LIMD1: variants seen among roughly 807,000 people sequenced by gnomAD.
The protein encoded by LIMD1 is LIM domain-containing protein 1.
Under a neutral mutation model 58.4 loss-of-function variants are expected in LIMD1, and 23 were observed. The observed-to-expected ratio is 0.39, with a 90% CI of 0.28 to 0.56. LIMD1 has a LOEUF of 0.56. LIMD1 is among the 20% of genes least tolerant of loss of function. The probability of loss-of-function intolerance (pLI) is 0.57; values close to 1 mark genes in which losing one functional copy is unlikely to be tolerated. For synonymous variants in LIMD1, 334 were observed against 345.5 expected, an observed-to-expected ratio of 0.97 and a Z score of 0.37; for missense variants, 838 against 855.5, an observed-to-expected ratio of 0.98 and a Z score of 0.25.
chr3:45,604,603 T>A (rs1701449758), intron 1 of LIMD1, among the ~76,000 whole-genome samples: 1 of 152,156 alleles, frequency 6.6e-6, no homozygotes, highest in East Asian at 1.9e-4. Flanking sequence ...GTGCCTCACC[T>A]TGCTCCTTCT....
intron 1 of LIMD1, among the ~76,000 whole-genome samples, chr3:45,617,126 C>T (rs919960622): frequency 6.6e-6 from 1 of 151,062 alleles, no homozygotes; most frequent in Non-Finnish European, 1.5e-5. Flanking sequence ...CTCTGCCTCT[C>T]AGGTTCAAGC....
chr3:45,636,299 A>G, intron 2 of LIMD1, 48 bp downstream of exon 2: 1 of 1,352,908 alleles, frequency 7.4e-7, no homozygotes, highest in South Asian at 1.3e-5. Flanking sequence ...CGTAAGGAAC[A>G]TGGGAACCGA....
chr3:45,632,657 T>C, intron 1 of LIMD1: 1 of 541,854 alleles, frequency 1.8e-6, no homozygotes, highest in Non-Finnish European at 2.4e-6. Flanking sequence ...AGTTAAGACA[T>C]GGCCCTTATT....
chr3:45,638,226 T>C (rs1277359750), intron 2 of LIMD1, among the ~76,000 whole-genome samples: 1 of 152,258 alleles, frequency 6.6e-6, no homozygotes. Flanking sequence ...ATAAAGTCTT[T>C]GGCACATGTT....
intron 1 of LIMD1, among the ~76,000 whole-genome samples, chr3:45,620,523 C>T (rs963484221): frequency 1.3e-5 from 2 of 152,158 alleles, no homozygotes; most frequent in African/African-American, 2.4e-5. Flanking sequence ...CATGGTGGCT[C>T]ATGCTTGTAA....
At chr3:45,646,570 A>G (rs987103007) in intron 2 of LIMD1, among the ~76,000 whole-genome samples, 2 of 152,214 alleles carry the variant, frequency 1.3e-5, no homozygotes, top group African/African-American at 2.4e-5. Flanking sequence ...TAGTGTGACT[A>G]TGGAACTGCA....
chr3:45,660,353 T>TGTGTGAATA (rs1697413424), intron 2 of LIMD1, among the ~76,000 whole-genome samples: 1 of 150,190 alleles, frequency 6.7e-6, no homozygotes, highest in Admixed American at 6.6e-5. Flanking sequence ...GATCAGACAG[T>TGTGTGAATA]GTGTGAATAG....
Position 45,643,692 on chromosome 3 carries a change from C to A in LIMD1, c.1510+7441C>A, listed in dbSNP as rs558443109. Among the ~76,000 whole-genome samples, 215 of 152,332 alleles carry A rather than the reference C, an allele frequency of 1.4e-3. 1 individual carries two copies. The highest frequency in any genetic ancestry group is 2.1e-3 in the Non-Finnish European group (141 of 68,032). On this transcript the variant is annotated intron_variant, in intron 2 of 7. Coordinates refer to ENST00000273317, the MANE Select transcript of LIMD1 (RefSeq NM_014240.3). The stretch of plus-strand genomic sequence containing the variant: ...GGACTAGGTAAATATACTCTCCCCG[C>A]CAGAAGCCCATGGAGCAGGGGGGTG...
rs1250859495 is a variant in LIMD1, at chr3:45,679,301, T to C, written c.*2242T>C. 1 of 152,234 alleles carries C rather than the reference T, an allele frequency of 6.6e-6. No homozygotes were observed. Among genetic ancestry groups the C allele is most frequent in the Non-Finnish European group, 1.5e-5 (1 of 68,038 alleles). The allele number at this position is 152,234 out of a possible 1,614,324, so 9.4% of individuals were successfully genotyped here. On this transcript the variant is annotated 3_prime_UTR_variant, in exon 8 of 8. Coordinates refer to ENST00000273317, the MANE Select transcript of LIMD1 (RefSeq NM_014240.3). ...GAATTTCCAGATGTCCTAGAAATCC[T>C]AGCAACAGATTTCTCTGGTTGTCAG...
chr3:45,654,914 C>A, intron 2 of LIMD1, among the ~76,000 whole-genome samples: 1 of 145,186 alleles, frequency 6.9e-6, no homozygotes, highest in East Asian at 2.1e-4. Context: ...GCACATTTAT[C>A]AGTCAATTTT....
intron 1 of LIMD1, among the ~76,000 whole-genome samples, chr3:45,607,014 G>C (rs560405971): frequency 6.6e-6 from 1 of 152,186 alleles, no homozygotes; most frequent in South Asian, 2.1e-4. Flanking sequence ...GGCAGGTCTC[G>C]AACTCCTGAC....
At position 45,594,809 on chromosome 3, in the gene LIMD1, A is replaced by ACACACACACAC; in HGVS notation, c.-70_-60dup. The ACACACACACAC allele has an allele frequency of 2.8e-6, 2 of 723,098 alleles. No individual in the cohort carries two copies. The highest frequency in any genetic ancestry group is 1.8e-5 in the African/African-American group (1 of 55,772). 44.8% of individuals were successfully genotyped at this position (723,098 alleles called of 1,614,324 possible). A position where few individuals can be genotyped will look rare whatever the true frequency, so the allele number is the denominator to read the frequency against. On this transcript the variant is annotated 5_prime_UTR_variant, in exon 1 of 8. Coordinates refer to ENST00000273317, the MANE Select transcript of LIMD1 (RefSeq NM_014240.3). The stretch of plus-strand genomic sequence containing the variant: ...CACACACACACACACACACACACAC[A>ACACACACACAC]CACACACACACACACACACACACAC...
chr3:45,608,614 C>CG (rs1701490766), intron 1 of LIMD1, among the ~76,000 whole-genome samples: 1 of 151,974 alleles, frequency 6.6e-6, no homozygotes, highest in African/African-American at 2.4e-5. Context: ...CCGAGGCGGG[C>CG]GGATCACTTG....
At chr3:45,675,986 C>T (rs1013685264) in intron 7 of LIMD1, among the ~76,000 whole-genome samples, 2 of 152,190 alleles carry the variant, frequency 1.3e-5, no homozygotes, top group Non-Finnish European at 2.9e-5. Context: ...GGCGTGGTGG[C>T]TCATGCCTGT....
intron 2 of LIMD1, among the ~76,000 whole-genome samples, chr3:45,637,340 G>A (rs1242973347): frequency 6.6e-6 from 1 of 151,618 alleles, no homozygotes; most frequent in Non-Finnish European, 1.5e-5. Context: ...GAGTGCAGTG[G>A]TGCTATCTCA....
intron 1 of LIMD1, among the ~76,000 whole-genome samples, chr3:45,614,452 G>T (rs1053936399): frequency 6.6e-6 from 1 of 151,284 alleles, no homozygotes; most frequent in South Asian, 2.1e-4. Context: ...CGGGTGCTGT[G>T]GTTCACGCAC....
At chr3:45,637,899 G>A (rs1387977595) in intron 2 of LIMD1, among the ~76,000 whole-genome samples, 1 of 152,182 alleles carries the variant, frequency 6.6e-6, no homozygotes, top group African/African-American at 2.4e-5. Flanking sequence ...CACCTGTGTA[G>A]GGAAAGACTA....
intron 2 of LIMD1, among the ~76,000 whole-genome samples, chr3:45,662,276 A>AGTGTGTGT (rs139596165): frequency 5.5e-4 from 61 of 111,590 alleles, no homozygotes; most frequent in East Asian, 2.2e-3. Context: ...GTTTCACCTA[A>AGTGTGTGT]GTGTGTGTGT....
chr3:45,610,652 G>A (rs1329592574), intron 1 of LIMD1, among the ~76,000 whole-genome samples: 6 of 152,294 alleles, frequency 3.9e-5, no homozygotes, highest in Middle Eastern at 3.4e-3. Context: ...TCTGCCAACA[G>A]CTGTGAGACC....
Sources: allele counts gnomAD v4.1 joint callset (sites outside exome capture counted in the v4.1 genomes callset), GRCh38; gene constraint gnomAD v4.1.1; transcripts MANE v1.5; gene names NCBI Gene and HGNC (gene_info 2026-07-23, HGNC 2026-07-21).